DNAJC3: variants seen among roughly 807,000 people sequenced by gnomAD.
The protein encoded by DNAJC3 is DnaJ heat shock protein family (Hsp40) member C3.
A neutral mutation model predicts 68.6 loss-of-function variants in DNAJC3; 38 were observed. That is an observed-to-expected ratio of 0.55 (90% CI 0.43 to 0.73). The LOEUF is 0.73. Ranked by LOEUF, DNAJC3 falls within the 30% of genes least tolerant of loss-of-function variation. The pLI is 0.00. For synonymous variants in DNAJC3, 203 were observed against 204.0 expected (o/e 1.00, Z 0.04); for missense variants, 526 against 591.9 (o/e 0.89, Z 1.16).
chr13:95,736,938 T>A (rs1881944634), intron 4 of DNAJC3, among the ~76,000 whole-genome samples: 1 of 150,956 alleles, frequency 6.6e-6, no homozygotes, highest in East Asian at 1.9e-4. Flanking sequence ...GCCCATTCAG[T>A]ATGATATTGG....
chr13:95,698,564 C>T (rs900423221), intron 1 of DNAJC3, among the ~76,000 whole-genome samples: 7 of 152,198 alleles, frequency 4.6e-5, no homozygotes, highest in Non-Finnish European at 8.8e-5. Flanking sequence ...CCTGTCACAC[C>T]CTTGTTCTGG....
At chr13:95,777,986 C>A (rs1314950678) in intron 9 of DNAJC3, among the ~76,000 whole-genome samples, 1 of 152,010 alleles carries the variant, frequency 6.6e-6, no homozygotes, top group Admixed American at 6.6e-5. Context: ...AACTAGAAGT[C>A]AGTAACAGAA....
At chr13:95,765,403 A>G in intron 9 of DNAJC3, among the ~76,000 whole-genome samples, 1 of 138,230 alleles carries the variant, frequency 7.2e-6, no homozygotes, top group East Asian at 2.0e-4. Flanking sequence ...TAAAGAGCTT[A>G]GCTGTTAAAA....
intron 1 of DNAJC3, chr13:95,693,560 A>C (rs935674925): frequency 1.3e-5 from 2 of 150,926 alleles, no homozygotes; most frequent in African/African-American, 2.4e-5. Context: ...TTCCCCCCAG[A>C]CAACAGTACC....
At chr13:95,725,872 T>C (rs1881497695) in intron 4 of DNAJC3, among the ~76,000 whole-genome samples, 1 of 135,290 alleles carries the variant, frequency 7.4e-6, no homozygotes, top group Non-Finnish European at 1.5e-5. Context: ...CCCCTTCCTG[T>C]GTCCACGTGT....
chr13:95,760,360 T>C, intron 6 of DNAJC3, 139 bp downstream of exon 6: 1 of 822,008 alleles, frequency 1.2e-6, no homozygotes, highest in Middle Eastern at 3.9e-4. Flanking sequence ...TCCATTTATA[T>C]ATTTTGTGTT....
intron 4 of DNAJC3, among the ~76,000 whole-genome samples, chr13:95,726,445 A>G (rs549195832): frequency 1.3e-5 from 2 of 152,020 alleles, no homozygotes; most frequent in South Asian, 4.2e-4. Flanking sequence ...GCATTTTTTC[A>G]TGTGTTTTTT....
chr13:95,746,195 C>CA lies in DNAJC3; in HGVS notation c.394-11447dup, dbSNP rs1453573908. On this transcript the variant is annotated intron_variant, in intron 4 of 11. Coordinates refer to ENST00000602402, the MANE Select transcript of DNAJC3 (RefSeq NM_006260.5). ...TTCTGTAGAATATGGGCACAGGTCT[C>CA]AACTGTATGGACAGTTTTACAAAGT... Among the ~76,000 whole-genome samples the CA allele has an allele frequency of 5.3e-5, 8 of 152,284 alleles. No homozygotes were observed. In the East Asian group the frequency reaches 1.5e-3, roughly 29 times the overall value.
At chr13:95,715,249 CAA>C (rs1881098724) in intron 2 of DNAJC3, among the ~76,000 whole-genome samples, 1 of 152,014 alleles carries the variant, frequency 6.6e-6, no homozygotes, top group African/African-American at 2.4e-5. Context: ...AAAATAAAAA[CAA>C]AATTAGCCAG....
intron 1 of DNAJC3, among the ~76,000 whole-genome samples, chr13:95,703,345 A>T (rs1376958665): frequency 6.6e-6 from 1 of 152,272 alleles, no homozygotes; most frequent in Non-Finnish European, 1.5e-5. Flanking sequence ...AACACCTGAC[A>T]GTACTTCAGT....
chr13:95,678,621 T>C (rs192083374), intron 1 of DNAJC3, among the ~76,000 whole-genome samples: 67 of 152,322 alleles, frequency 4.4e-4, no homozygotes, highest in African/African-American at 1.5e-3. Context: ...TCATTCCTCC[T>C]GCCCCCGCAC....
rs1259821535 is a variant in DNAJC3 at position 95,794,148 on chromosome 13, C to G, written c.*3118C>G. On this transcript the variant is annotated 3_prime_UTR_variant, in exon 12 of 12. Transcript: ENST00000602402. ...CTTTTTTAAAGTATTGGTATGAAAA[C>G]AAATTTTTGTTGCCCTGATAATGGA... 6.6e-6 allele frequency: 1 copy of G among 152,098 alleles called. No homozygotes were observed. Among genetic ancestry groups the G allele is most frequent in the Non-Finnish European group, 1.5e-5 (1 of 68,016 alleles). 9.4% of individuals were successfully genotyped at this position (152,098 alleles called of 1,614,324 possible).
chr13:95,702,176 C>T (rs17878379), intron 1 of DNAJC3, among the ~76,000 whole-genome samples: 1,959 of 152,224 alleles, frequency 0.013, 48 homozygotes, highest in African/African-American at 0.045. Context: ...TTTTGATAAT[C>T]ACATATAACT....
intron 9 of DNAJC3, among the ~76,000 whole-genome samples, chr13:95,770,802 G>A (rs944778096): frequency 3.9e-5 from 6 of 152,160 alleles, no homozygotes; most frequent in African/African-American, 7.2e-5. Flanking sequence ...GGCTCATAAC[G>A]AGGCTGTATC....
At chr13:95,738,850 T>A (rs1882022749) in intron 4 of DNAJC3, among the ~76,000 whole-genome samples, 1 of 151,950 alleles carries the variant, frequency 6.6e-6, no homozygotes, top group African/African-American at 2.4e-5. Context: ...TTATGTGTGA[T>A]TTTGATCCTG....
rs1594011123 is a variant in DNAJC3, at chr13:95,760,028, T to C, written c.547-12T>C. The C allele has an allele frequency of 1.3e-6, 2 of 1,561,570 alleles. No individual in the cohort carries two copies. Among genetic ancestry groups the C allele is most frequent in the Non-Finnish European group, 8.7e-7 (1 of 1,154,820 alleles). On this transcript the variant is annotated splice_polypyrimidine_tract_variant and intron_variant, in intron 5 of 11. Coordinates refer to ENST00000602402, the MANE Select transcript of DNAJC3 (RefSeq NM_006260.5). ...TATTCTTTCTTAAAGTCTAGTTCTT[T>C]TGTTCCTCAAGGTTTGTGTTTGGGA...
chr13:95,757,877 A>C, intron 5 of DNAJC3, 81 bp downstream of exon 5: 1 of 1,377,238 alleles, frequency 7.3e-7, no homozygotes. Flanking sequence ...GTCACATACC[A>C]CAAAGACCTA....
At chr13:95,690,817 G>A (rs1377857046) in intron 1 of DNAJC3, among the ~76,000 whole-genome samples, 5 of 138,598 alleles carry the variant, frequency 3.6e-5, no homozygotes, top group Admixed American at 3.5e-4. Context: ...CCTCCCGGAC[G>A]GGGCAGCTGG....
intron 9 of DNAJC3, among the ~76,000 whole-genome samples, chr13:95,781,743 G>A (rs1351355872): frequency 1.3e-5 from 2 of 151,608 alleles, no homozygotes; most frequent in Non-Finnish European, 2.9e-5. Context: ...GCTGATATAT[G>A]TCTGGCTTAT....
Sources: allele counts gnomAD v4.1 joint callset (sites outside exome capture counted in the v4.1 genomes callset), GRCh38; gene constraint gnomAD v4.1.1; transcripts MANE v1.5; gene names NCBI Gene and HGNC (gene_info 2026-07-23, HGNC 2026-07-21).